The following ARHGEF7 variants were observed in gnomAD, a reference collection of about 807,000 sequenced individuals.
ARHGEF7 encodes PAK-interacting exchange factor beta.
In ARHGEF7, 33 loss-of-function variants were observed where a neutral mutation model predicts 109.8. That is an observed-to-expected ratio of 0.30 (90% CI 0.23 to 0.40). ARHGEF7 has a LOEUF of 0.40. Among genes scored for constraint, ARHGEF7 ranks in the 10% least tolerant of loss-of-function variants. The pLI is 1.00. For synonymous variants in ARHGEF7, 458 were observed against 424.6 expected, an observed-to-expected ratio of 1.08 and a Z score of -0.97; for missense variants, 938 against 1,098.5, an observed-to-expected ratio of 0.85 and a Z score of 2.07.
rs753690103 is a variant in ARHGEF7, at chr13:111,301,461, TCTGTTTC to T, written c.2412-9_2412-3del. 4 of 1,611,330 alleles carry T rather than the reference TCTGTTTC, an allele frequency of 2.5e-6. No homozygotes were observed. The highest frequency in any genetic ancestry group is 3.4e-6 in the Non-Finnish European group (4 of 1,177,876). On this transcript the variant is annotated splice_polypyrimidine_tract_variant and intron_variant, in intron 20 of 21. Coordinates refer to ENST00000646102, the MANE Select transcript of ARHGEF7 (RefSeq NM_001354046.2). ...CCTCACCTTGTTCATGTGTGTGTGTTCTGTTTCCTGTTTCAGGAGTCTTGTGGATACC... is the reference window on the plus strand; with the variant it reads ...CCTCACCTTGTTCATGTGTGTGTGTTCTGTTTCAGGAGTCTTGTGGATACC...
chr13:111,155,285 T>C (rs72670024), intron 2 of ARHGEF7, among the ~76,000 whole-genome samples: 1,756 of 152,326 alleles, frequency 0.012, 21 homozygotes, highest in Middle Eastern at 0.034. Flanking sequence ...TATTTTGCTA[T>C]AGGTTTCTCG....
intron 13 of ARHGEF7, among the ~76,000 whole-genome samples, chr13:111,278,133 C>T (rs937608617): frequency 6.6e-6 from 1 of 152,114 alleles, no homozygotes; most frequent in Non-Finnish European, 1.5e-5. Flanking sequence ...AGTGTGTGAT[C>T]GTTGAACCTT....
At chr13:111,176,459 G>A (rs1218100086) in intron 2 of ARHGEF7, among the ~76,000 whole-genome samples, 2 of 152,208 alleles carry the variant, frequency 1.3e-5, no homozygotes, top group African/African-American at 4.8e-5. Context: ...CCTGGAACTT[G>A]TGTTTTGCTT....
chr13:111,239,529 C>T lies in ARHGEF7; in HGVS notation c.760-4343C>T, dbSNP rs553171281. The stretch of plus-strand genomic sequence containing the variant: ...CATCAGCAGTGACCCTAAACCCTGG[C>T]GTTGCTTCGTCTCTTCATCTTCTGC... On this transcript the variant is annotated intron_variant, in intron 6 of 21. Transcript: ENST00000646102. This position sits in a 1 kb window ranked among gnomAD's most constrained non-coding sequence, Gnocchi z 4.3. 2.0e-5 allele frequency among the ~76,000 whole-genome samples: 3 copies of T among 152,256 alleles called. No homozygotes were observed. The highest frequency in any genetic ancestry group is 2.9e-5 in the Non-Finnish European group (2 of 68,010).
chr13:111,189,291 T>C (rs538746471), intron 2 of ARHGEF7, among the ~76,000 whole-genome samples: 1 of 152,072 alleles, frequency 6.6e-6, no homozygotes, highest in Non-Finnish European at 1.5e-5. Flanking sequence ...TCGCGGCGAG[T>C]GTTACAGTTA....
At chr13:111,206,748 T>G (rs1017966855) in intron 3 of ARHGEF7, among the ~76,000 whole-genome samples, 4 of 151,354 alleles carry the variant, frequency 2.6e-5, no homozygotes, top group Non-Finnish European at 4.4e-5. Flanking sequence ...GATCACGAGG[T>G]CAGGAGATCG....
intron 8 of ARHGEF7, among the ~76,000 whole-genome samples, chr13:111,253,606 C>A (rs994467831): frequency 6.6e-6 from 1 of 152,180 alleles, no homozygotes; most frequent in Admixed American, 6.5e-5. Context: ...TGCCCTGTTC[C>A]CGTCTCAGAT....
At chr13:111,210,139 C>G (rs2082320466) in intron 4 of ARHGEF7, 137 bp downstream of exon 4, 1 of 1,142,614 alleles carries the variant, frequency 8.8e-7, no homozygotes, top group Non-Finnish European at 1.2e-6. Flanking sequence ...CTCCGTTGTG[C>G]CTGTAATCTG....
At chr13:111,185,761 T>C (rs529767457) in intron 2 of ARHGEF7, among the ~76,000 whole-genome samples, 7 of 152,080 alleles carry the variant, frequency 4.6e-5, no homozygotes, top group Non-Finnish European at 7.4e-5. Flanking sequence ...CTGCTGTGTG[T>C]GTGTACGTGG....
chr13:111,246,276 A>C (rs565462609), intron 8 of ARHGEF7, among the ~76,000 whole-genome samples: 3 of 152,164 alleles, frequency 2.0e-5, no homozygotes, highest in African/African-American at 7.2e-5. Context: ...ATCTTTATTC[A>C]TATAACCCCC....
At chr13:111,194,959 G>A (rs1310487839) in intron 2 of ARHGEF7, among the ~76,000 whole-genome samples, 1 of 152,198 alleles carries the variant, frequency 6.6e-6, no homozygotes, top group Non-Finnish European at 1.5e-5. Context: ...TGGATATAGA[G>A]GAATTACTGC....
At chr13:111,134,776 G>A (rs533684108) in intron 1 of ARHGEF7, among the ~76,000 whole-genome samples, 27 of 152,216 alleles carry the variant, frequency 1.8e-4, no homozygotes, top group Admixed American at 1.5e-3. Flanking sequence ...TTCTTTTGCT[G>A]TGCAGAAGCT....
At chr13:111,221,533 C>CTATATATATAGATATATATCTA (rs559489504) in intron 5 of ARHGEF7, among the ~76,000 whole-genome samples, 1 of 33,810 alleles carries the variant, frequency 3.0e-5, no homozygotes, top group African/African-American at 9.7e-5. Context: ...CTATATATAT[C>CTATATATATAGATATATATCTA]TATATATAGA....
At chr13:111,299,115 G>A (rs2093495864) in intron 19 of ARHGEF7, among the ~76,000 whole-genome samples, 1 of 152,126 alleles carries the variant, frequency 6.6e-6, no homozygotes, top group Non-Finnish European at 1.5e-5. Context: ...TTTCCCAGGG[G>A]TTCCATTCTG....
intron 16 of ARHGEF7, among the ~76,000 whole-genome samples, chr13:111,284,181 G>T (rs1335285243): frequency 1.3e-5 from 2 of 152,136 alleles, no homozygotes; most frequent in African/African-American, 4.8e-5. Flanking sequence ...GTGCCCGTTG[G>T]TGGGGTGTGA....
At chr13:111,295,824 T>A (rs1441851679) in intron 19 of ARHGEF7, among the ~76,000 whole-genome samples, 1 of 152,240 alleles carries the variant, frequency 6.6e-6, no homozygotes, top group Non-Finnish European at 1.5e-5. Flanking sequence ...TTATTTGATT[T>A]TCAGTTGATT....
rs2088283567 is a variant in ARHGEF7, at chr13:111,243,855, T to C, written c.760-17T>C. ...CAATTGAAATGTCAAATAACACTTA[T>C]TCATCATTTATTATAGGTGCTACAG... is the stretch of plus-strand genomic sequence containing the variant. On this transcript the variant is annotated splice_polypyrimidine_tract_variant and intron_variant, in intron 6 of 21. Coordinates refer to ENST00000646102, the MANE Select transcript of ARHGEF7 (RefSeq NM_001354046.2). 2.7e-6 allele frequency: 4 copies of C among 1,501,686 alleles called. No homozygotes were observed. Among genetic ancestry groups the C allele is most frequent in the Middle Eastern group, 1.8e-4 (1 of 5,698 alleles). 93.0% of individuals were successfully genotyped at this position (1,501,686 alleles called of 1,614,324 possible).
At chr13:111,253,114 T>C (rs1450014246) in intron 8 of ARHGEF7, among the ~76,000 whole-genome samples, 1 of 152,394 alleles carries the variant, frequency 6.6e-6, no homozygotes, top group South Asian at 2.1e-4. Context: ...AGAAATAAGA[T>C]AGTGAGTGCT....
rs1221832170 is a variant in ARHGEF7, at chr13:111,304,750, C to T, written c.*1637C>T. The T allele has an allele frequency of 6.6e-6, 1 of 152,278 alleles. No individual in the cohort carries two copies. The highest frequency in any genetic ancestry group is 1.5e-5 in the Non-Finnish European group (1 of 68,076). 9.4% of individuals were successfully genotyped at this position (152,278 alleles called of 1,614,324 possible). On this transcript the variant is annotated 3_prime_UTR_variant, in exon 22 of 22. Coordinates refer to ENST00000646102, the MANE Select transcript of ARHGEF7 (RefSeq NM_001354046.2). ...CTGCCTGGGCTCAGCGTGGACCTGC[C>T]CCATGCTGCAGAACCTGGCCTCACC...
Sources: allele counts gnomAD v4.1 joint callset (sites outside exome capture counted in the v4.1 genomes callset), GRCh38; gene constraint gnomAD v4.1.1; non-coding constraint Gnocchi (gnomAD v3.1); transcripts MANE v1.5; gene names NCBI Gene and HGNC (gene_info 2026-07-23, HGNC 2026-07-21).